MAP3K2: variants seen among roughly 807,000 people sequenced by gnomAD.
MAP3K2 encodes MAP/ERK kinase kinase 2.
Under a neutral mutation model 80.3 loss-of-function variants are expected in MAP3K2, and 24 were observed. That is an observed-to-expected ratio of 0.30 (90% CI 0.22 to 0.42). The LOEUF (loss-of-function observed/expected upper bound fraction) is 0.42. Among genes scored for constraint, MAP3K2 ranks in the 10% least tolerant of loss-of-function variants. MAP3K2 has a pLI of 1.00. For missense variants in MAP3K2, 608 were observed against 750.1 expected (o/e 0.81, Z 2.21); for synonymous variants, 244 against 253.7 (o/e 0.96, Z 0.36).
chr2:127,303,362 G>C lies in MAP3K2; in HGVS notation c.*4217C>G, dbSNP rs963444328. Reference sequence around the variant, plus strand: ...AAAAGAACAAAAAAACACTGTTATGGAATAAATGCTCCCCATCACCAGAAC... The same window carrying C: ...AAAAGAACAAAAAAACACTGTTATGCAATAAATGCTCCCCATCACCAGAAC... On this transcript the variant is annotated 3_prime_UTR_variant, in exon 17 of 17. Coordinates refer to ENST00000682094, the MANE Select transcript of MAP3K2 (RefSeq NM_001371910.2). 6.6e-6 allele frequency: 1 copy of C among 151,696 alleles called. No homozygotes were observed. The highest frequency in any genetic ancestry group is 2.4e-5 in the African/African-American group (1 of 41,372). 9.4% of individuals were successfully genotyped at this position (151,696 alleles called of 1,614,324 possible). A position where few individuals can be genotyped will look rare whatever the true frequency, so the allele number is the denominator to read the frequency against.
intron 8 of MAP3K2, 81 bp downstream of exon 8, chr2:127,326,606 C>T: frequency 2.0e-6 from 2 of 1,022,870 alleles, no homozygotes; most frequent in Non-Finnish European, 2.7e-6. Flanking sequence ...AATACACACA[C>T]ACACCCAGTT....
intron 7 of MAP3K2, among the ~76,000 whole-genome samples, chr2:127,329,124 A>T (rs1460068648): frequency 6.6e-6 from 1 of 152,156 alleles, no homozygotes; most frequent in East Asian, 1.9e-4. Context: ...AGCATGCAAG[A>T]TCTTTATTTC....
chr2:127,382,208 A>T (rs1172262428), intron 1 of MAP3K2, among the ~76,000 whole-genome samples: 1 of 152,244 alleles, frequency 6.6e-6, no homozygotes, highest in Non-Finnish European at 1.5e-5. Flanking sequence ...CACCTAAGAA[A>T]AGTAACAATA....
chr2:127,311,081 C>T (rs1232097075), intron 15 of MAP3K2, among the ~76,000 whole-genome samples: 2 of 152,154 alleles, frequency 1.3e-5, no homozygotes, highest in African/African-American at 4.8e-5. Context: ...TATCACGGGG[C>T]TTCTGTACCT....
chr2:127,309,024 T>G (rs574525551), intron 15 of MAP3K2, among the ~76,000 whole-genome samples: 4 of 151,952 alleles, frequency 2.6e-5, no homozygotes, highest in Non-Finnish European at 4.4e-5. Context: ...CTGGTGCAGG[T>G]TGGAGGTGGG....
chr2:127,376,541 C>G (rs1250608632), intron 1 of MAP3K2, among the ~76,000 whole-genome samples: 1 of 152,184 alleles, frequency 6.6e-6, no homozygotes, highest in African/African-American at 2.4e-5. Flanking sequence ...ATCCATCATT[C>G]AGCCAGGGTC....
chr2:127,335,289 G>C (rs1686343137), intron 5 of MAP3K2, among the ~76,000 whole-genome samples: 6 of 152,230 alleles, frequency 3.9e-5, no homozygotes, highest in Admixed American at 3.3e-4. Flanking sequence ...TAAATTTTAA[G>C]ATCACAAGAT....
At chr2:127,343,293 T>TATACAATATGA in intron 1 of MAP3K2, 99 bp from the exon 2 acceptor site, 1 of 584,656 alleles carries the variant, frequency 1.7e-6, no homozygotes, top group East Asian at 2.8e-5. Flanking sequence ...TAATGAAAAA[T>TATACAATATGA]ATACAATATG....
chr2:127,371,003 T>C (rs964497622), intron 1 of MAP3K2, among the ~76,000 whole-genome samples: 7 of 152,340 alleles, frequency 4.6e-5, no homozygotes, highest in Non-Finnish European at 8.8e-5. Flanking sequence ...GGGGAGCTCT[T>C]AGCCTGCCCA....
intron 1 of MAP3K2, 76 bp from the exon 2 acceptor site, chr2:127,343,270 G>C (rs574281414): frequency 3.2e-6 from 2 of 620,704 alleles, no homozygotes; most frequent in African/African-American, 3.7e-5. Flanking sequence ...AAAAAAGTCA[G>C]TTTAAATAAT....
chr2:127,343,864 C>T (rs1013178761), intron 1 of MAP3K2, among the ~76,000 whole-genome samples: 2 of 151,812 alleles, frequency 1.3e-5, no homozygotes, highest in Admixed American at 6.6e-5. Context: ...CAAAAAAATA[C>T]AAAAATTAGC....
intron 1 of MAP3K2, among the ~76,000 whole-genome samples, chr2:127,366,274 GT>G (rs1314445444): frequency 6.6e-6 from 1 of 151,936 alleles, no homozygotes; most frequent in African/African-American, 2.4e-5. Context: ...TTAGCCAGGT[GT>G]GGTCGTGTAT....
chr2:127,361,344 A>T (rs1347096517), intron 1 of MAP3K2, among the ~76,000 whole-genome samples: 1 of 151,114 alleles, frequency 6.6e-6, no homozygotes, highest in Non-Finnish European at 1.5e-5. Context: ...ATTAAAAGGG[A>T]ATTTAAAAAG....
chr2:127,328,611 A>T (rs1458093669), intron 7 of MAP3K2, among the ~76,000 whole-genome samples: 2 of 152,216 alleles, frequency 1.3e-5, no homozygotes, highest in African/African-American at 4.8e-5. Flanking sequence ...TGCAAAAGAC[A>T]AGCCATTTGT....
In MAP3K2 at chr2:127,306,771, C is replaced by T. The variant is rs1397510719; in HGVS notation, c.*808G>A. ...TAAATGTGGTCTCTTCTACTGCTCA[C>T]ACATTTGATAAGAGTGATGTCCTTT... On this transcript the variant is annotated 3_prime_UTR_variant, in exon 17 of 17. Transcript: ENST00000682094. This position sits in a 1 kb window ranked among gnomAD's most constrained non-coding sequence, Gnocchi z 4.7. 1 of 152,292 alleles carries T rather than the reference C, an allele frequency of 6.6e-6. No individual in the cohort carries two copies. 9.4% of individuals were successfully genotyped at this position (152,292 alleles called of 1,614,324 possible).
chr2:127,383,145 G>A (rs1687278954), intron 1 of MAP3K2, among the ~76,000 whole-genome samples: 1 of 152,094 alleles, frequency 6.6e-6, no homozygotes, highest in Non-Finnish European at 1.5e-5. Flanking sequence ...ATCATCAAGG[G>A]GACGCTGCTA....
At chr2:127,341,534 T>G (rs1351188245) in intron 2 of MAP3K2, among the ~76,000 whole-genome samples, 51 of 138,378 alleles carry the variant, frequency 3.7e-4, no homozygotes, top group Non-Finnish European at 3.0e-4. Flanking sequence ...TTTGTTGTTT[T>G]TTTTTTTTTT....
intron 1 of MAP3K2, among the ~76,000 whole-genome samples, chr2:127,386,855 C>T (rs1194715876): frequency 6.6e-6 from 1 of 152,154 alleles, no homozygotes; most frequent in Non-Finnish European, 1.5e-5. Flanking sequence ...AAAAAGACAT[C>T]TGCATATTCG....
At chr2:127,382,952 T>C (rs886202851) in intron 1 of MAP3K2, among the ~76,000 whole-genome samples, 3 of 152,260 alleles carry the variant, frequency 2.0e-5, no homozygotes, top group South Asian at 2.1e-4. Context: ...AGAGGTTTAA[T>C]TGGCTCACGG....
Sources: gnomAD v4.1 joint callset for allele counts (sites outside exome capture counted in the v4.1 genomes callset) on GRCh38, gnomAD v4.1.1 for gene constraint, Gnocchi (gnomAD v3.1) non-coding constraint, MANE v1.5 for transcripts, NCBI Gene and HGNC (gene_info 2026-07-23, HGNC 2026-07-21) for gene names.